Variants in PRRC2C observed in about 807,000 individuals in gnomAD.
The protein encoded by PRRC2C is protein PRRC2C.
Under a neutral mutation model 317.2 loss-of-function variants are expected in PRRC2C, and 72 were observed. The ratio of observed to expected loss-of-function variants is 0.23; its 90% CI spans 0.19 to 0.28. The LOEUF (loss-of-function observed/expected upper bound fraction) is 0.28, where lower values mean the gene tolerates loss of function less well. PRRC2C is among the 10% of genes least tolerant of loss of function. The pLI is 1.00. For synonymous variants in PRRC2C, 1,296 were observed against 1,205.9 expected (o/e 1.07, Z -1.55); for missense variants, 3,074 against 3,459.7 (o/e 0.89, Z 2.80).
In PRRC2C at chr1:171,571,376, C is replaced by A. The variant is rs1684745323; in HGVS notation, c.6708C>A (p.Ser2236=). The A allele has an allele frequency of 6.2e-7, 1 of 1,612,910 alleles. No individual in the cohort carries two copies. Among genetic ancestry groups the A allele is most frequent in the Non-Finnish European group, 8.5e-7 (1 of 1,179,054 alleles). The change falls in exon 24 of 35, where the codon TCC becomes TCA. Residue 2236 remains serine, a synonymous_variant. Coordinates refer to ENST00000647382, the MANE Select transcript of PRRC2C (RefSeq NM_001387844.1). ...LPKRETIQQS[S]SLTSVPPTTF... The stretch of plus-strand genomic sequence containing the variant: ...AGAGGGAGACTATACAACAGAGCTC[C>A]AGCCTAACTTCAGTTCCTCCCACTA...
chr1:171,577,977 G>GGTAGAGAC (rs566387104), intron 26 of PRRC2C, among the ~76,000 whole-genome samples: 287 of 115,034 alleles, frequency 2.5e-3, no homozygotes, highest in African/African-American at 8.8e-3. Flanking sequence ...TTGCATTTTT[G>GGTAGAGAC]GTAGAGACGG....
intron 28 of PRRC2C, among the ~76,000 whole-genome samples, chr1:171,581,774 G>A (rs552608827): frequency 4.6e-5 from 7 of 152,312 alleles, no homozygotes; most frequent in Admixed American, 6.5e-5. Flanking sequence ...TATGATCCTA[G>A]ACTAGCATTC....
In PRRC2C at chr1:171,541,569, G is replaced by C; in HGVS notation, c.4103G>C (p.Arg1368Pro). 1 of 1,613,756 alleles carries C rather than the reference G, an allele frequency of 6.2e-7. No individual in the cohort carries two copies. Among genetic ancestry groups the C allele is most frequent in the Non-Finnish European group, 8.5e-7 (1 of 1,179,832 alleles). ...GGRPSRPSTL[R>P]RPAYRDNQWN... ...CGTCCATCACGCCCTTCCACTTTAC[G>C]AAGACCAGCTTATCGGGACAATCAG... The change falls in exon 16 of 35, where the codon CGA becomes CCA. Residue 1368 changes from arginine to proline, a missense_variant. By Grantham distance (103) the Arg-to-Pro change is moderately radical. Transcript: ENST00000647382. The surrounding 1 kb of genome is among the most constrained non-coding windows in gnomAD (Gnocchi z 4.1).
chr1:171,486,837 C>G (rs1666221222), intron 1 of PRRC2C, among the ~76,000 whole-genome samples: 1 of 152,252 alleles, frequency 6.6e-6, no homozygotes, highest in East Asian at 1.9e-4. Flanking sequence ...AAGCCTAACC[C>G]CACCATTTTT....
At chr1:171,510,896 GAT>G (rs1329032650) in intron 1 of PRRC2C, 1 of 152,188 alleles carries the variant, frequency 6.6e-6, no homozygotes, top group Non-Finnish European at 1.5e-5. Context: ...ACTGAAATGA[GAT>G]AATAGAGGTG....
rs1267954812 is a variant in PRRC2C, at chr1:171,557,767, A to G, written c.5655A>G (p.Pro1885=). The G allele has an allele frequency of 3.2e-6, 5 of 1,550,072 alleles. No homozygotes were observed. Among genetic ancestry groups the G allele is most frequent in the Non-Finnish European group, 4.4e-6 (5 of 1,146,408 alleles). The change falls in exon 19 of 35, where the codon CCA becomes CCG. Residue 1885 remains proline, a synonymous_variant. Coordinates refer to ENST00000647382, the MANE Select transcript of PRRC2C (RefSeq NM_001387844.1). ...CGCCAGCCCCAGCAGCCTCTTCCCCAGCTGCCCCAGTCATCACAGCACCAA... is the reference window on the plus strand; with the variant it reads ...CGCCAGCCCCAGCAGCCTCTTCCCCGGCTGCCCCAGTCATCACAGCACCAA... ...APTPAPAASS[P]AAPVITAPTI...
intron 1 of PRRC2C, among the ~76,000 whole-genome samples, chr1:171,506,374 C>T (rs1481479966): frequency 6.6e-6 from 1 of 152,084 alleles, no homozygotes; most frequent in East Asian, 1.9e-4. Context: ...TTAAGATTTT[C>T]TCTTTATCAT....
intron 23 of PRRC2C, among the ~76,000 whole-genome samples, chr1:171,568,965 A>G (rs1012377203): frequency 2.0e-5 from 3 of 152,188 alleles, no homozygotes; most frequent in African/African-American, 7.2e-5. Context: ...AATATAATTC[A>G]AGGTTGTGTT....
chr1:171,571,692 T>A (rs775414920), intron 24 of PRRC2C, among the ~76,000 whole-genome samples: 15 of 152,180 alleles, frequency 9.9e-5, no homozygotes, highest in Non-Finnish European at 1.8e-4. Context: ...ATGTTTGTGT[T>A]AAGTTCCTCC....
intron 1 of PRRC2C, among the ~76,000 whole-genome samples, chr1:171,507,286 T>G (rs1451895121): frequency 2.0e-5 from 3 of 152,176 alleles, no homozygotes; most frequent in Non-Finnish European, 4.4e-5. Flanking sequence ...AGGGTAATTT[T>G]CACCCACTGC....
intron 15 of PRRC2C, among the ~76,000 whole-genome samples, chr1:171,538,324 C>A (rs1017551748): frequency 6.6e-6 from 1 of 152,098 alleles, no homozygotes; most frequent in Non-Finnish European, 1.5e-5. Context: ...TTAGGTGTAT[C>A]TACAATGCTT....
At chr1:171,578,540 T>C (rs963524829) in intron 26 of PRRC2C, among the ~76,000 whole-genome samples, 3 of 151,020 alleles carry the variant, frequency 2.0e-5, no homozygotes, top group African/African-American at 7.3e-5. Flanking sequence ...GTCGTAATAA[T>C]ATGTGGAGTT....
intron 11 of PRRC2C, among the ~76,000 whole-genome samples, chr1:171,532,139 A>C (rs970886537): frequency 6.6e-6 from 1 of 152,174 alleles, no homozygotes; most frequent in Admixed American, 6.5e-5. Flanking sequence ...TAAACATTGG[A>C]CCGCTGGATT....
Position 171,561,093 on chromosome 1 carries a change from C to T in PRRC2C, c.6107C>T (p.Pro2036Leu), listed in dbSNP as rs1236310270. 1 of 1,595,548 alleles carries T rather than the reference C, an allele frequency of 6.3e-7. No individual in the cohort carries two copies. The highest frequency in any genetic ancestry group is 1.1e-5 in the South Asian group (1 of 90,688). ...NKPLTSFGSA[P>L]SSEGAKNGQE... is the part of the protein sequence containing the mutation. The stretch of plus-strand genomic sequence containing the variant: ...CCCTTAACATCGTTTGGATCAGCTC[C>T]TTCATCAGAGGTAAGAATAGGCTTT... The change falls in exon 20 of 35, where the codon CCT (proline) becomes CTT (leucine). Residue 2036 changes from proline (P) to leucine (L), a missense_variant. Around this residue, in one of 11 missense-constraint regions of PRRC2C, gnomAD observed 640 missense variants for 676.1 expected, o/e 0.95. Coordinates refer to ENST00000647382, the MANE Select transcript of PRRC2C (RefSeq NM_001387844.1).
At chr1:171,585,583 A>C (rs572417144) in intron 30 of PRRC2C, among the ~76,000 whole-genome samples, 2 of 150,524 alleles carry the variant, frequency 1.3e-5, no homozygotes, top group Non-Finnish European at 3.0e-5. Context: ...TGTTCTTCTC[A>C]TAGCTCATTT....
At position 171,537,302 on chromosome 1, in the gene PRRC2C, T is replaced by G. The variant is rs768860464; in HGVS notation, c.2333T>G (p.Met778Arg). The change falls in exon 15 of 35, where the codon ATG becomes AGG. Residue 778 changes from methionine (M) to arginine (R), a missense_variant. Transcript: ENST00000647382. ...PPKPLMRRDQ[M>R]EGSPNSSESF... ...AAACCATTAATGAGAAGAGACCAGA[T>G]GGAAGGGTCACCGAACAGTTCTGAG... 16 of 1,600,786 alleles carry G rather than the reference T, an allele frequency of 1.0e-5. No homozygotes were observed. Among genetic ancestry groups the G allele is most frequent in the African/African-American group, 1.3e-5 (1 of 74,790 alleles).
At position 171,541,267 on chromosome 1, in the gene PRRC2C, T is replaced by G. The variant is rs760442083; in HGVS notation, c.3801T>G (p.Thr1267=). ...GAAGACGACAGCGGGGTTCAGAGACTGACACAGACAGTGAAATTCATGAAA... is the reference window on the plus strand; with the variant it reads ...GAAGACGACAGCGGGGTTCAGAGACGGACACAGACAGTGAAATTCATGAAA... ...PKRRRQRGSE[T]DTDSEIHESA... is the part of the protein sequence containing the mutation. The change falls in exon 16 of 35, where the codon ACT becomes ACG. Residue 1267 remains threonine, a synonymous_variant. Coordinates refer to ENST00000647382, the MANE Select transcript of PRRC2C (RefSeq NM_001387844.1). This position sits in a 1 kb window ranked among gnomAD's most constrained non-coding sequence, Gnocchi z 4.1. 3.7e-6 allele frequency: 6 copies of G among 1,613,966 alleles called. No individual in the cohort carries two copies. The Admixed American group carries it at 6.7e-5, about 18-fold the overall frequency.
Position 171,517,436 on chromosome 1 carries a change from C to CCTTG in PRRC2C, c.527-155_527-154insCTTG, listed in dbSNP as rs376212733. On this transcript the variant is annotated intron_variant, in intron 5 of 34. Transcript: ENST00000647382. The stretch of plus-strand genomic sequence containing the variant: ...CTCCACTTTGGAAGCCACTACTACG[C>CCTTG]AAACAACTTGAAAGCATTAGTAGGA... The CCTTG allele has an allele frequency of 9.9e-4, 693 of 701,452 alleles. 1 individual carries two copies. In the African/African-American group the frequency reaches 0.011, roughly 12 times the overall value. 43.5% of individuals were successfully genotyped at this position (701,452 alleles called of 1,614,324 possible). A position where few individuals can be genotyped will look rare whatever the true frequency, so the allele number is the denominator to read the frequency against.
intron 24 of PRRC2C, among the ~76,000 whole-genome samples, chr1:171,573,838 G>A (rs749448523): frequency 2.0e-5 from 3 of 151,596 alleles, no homozygotes; most frequent in Non-Finnish European, 4.4e-5. Context: ...ACCACGCCCG[G>A]CTAAATTTTT....
Sources: gnomAD v4.1 joint callset for allele counts (sites outside exome capture counted in the v4.1 genomes callset) on GRCh38, gnomAD v4.1.1 for gene constraint, gnomAD v4.1.1 regional missense constraint, Gnocchi (gnomAD v3.1) non-coding constraint, MANE v1.5 for transcripts, NCBI Gene and HGNC (gene_info 2026-07-23, HGNC 2026-07-21) for gene names.